ATP13A4: variants seen among roughly 807,000 people sequenced by gnomAD.
ATP13A4 encodes the protein probable cation-transporting ATPase 13A4.
A neutral mutation model predicts 142.5 loss-of-function variants in ATP13A4; 114 were observed. The ratio of observed to expected loss-of-function variants is 0.80; its 90% CI spans 0.69 to 0.93. The LOEUF is 0.93. Ranked by LOEUF, ATP13A4 falls within the 40% of genes least tolerant of loss-of-function variation. The probability of loss-of-function intolerance (pLI) is 0.00; values close to 1 mark genes in which losing one functional copy is unlikely to be tolerated. For synonymous variants in ATP13A4, 488 were observed against 514.8 expected, an observed-to-expected ratio of 0.95 and a Z score of 0.70; for missense variants, 1,392 against 1,454.0, an observed-to-expected ratio of 0.96 and a Z score of 0.69.
At chr3:193,533,078 A>G (rs1338917887) in intron 1 of ATP13A4, among the ~76,000 whole-genome samples, 1 of 152,168 alleles carries the variant, frequency 6.6e-6, no homozygotes, top group Non-Finnish European at 1.5e-5. Flanking sequence ...AAATAAAAAT[A>G]AAGAAATATT....
intron 8 of ATP13A4, among the ~76,000 whole-genome samples, chr3:193,472,732 T>G (rs139467155): frequency 4.6e-5 from 7 of 152,292 alleles, no homozygotes; most frequent in African/African-American, 1.7e-4. Context: ...ATGACGGTGA[T>G]CAGACTCAGT....
At chr3:193,488,745 G>A (rs1033493305) in intron 7 of ATP13A4, among the ~76,000 whole-genome samples, 1 of 152,204 alleles carries the variant, frequency 6.6e-6, no homozygotes, top group Non-Finnish European at 1.5e-5. Flanking sequence ...TATAGTAGTA[G>A]CTGAAGGCAG....
chr3:193,477,218 G>T (rs1719017507), intron 8 of ATP13A4, among the ~76,000 whole-genome samples: 1 of 152,058 alleles, frequency 6.6e-6, no homozygotes, highest in African/African-American at 2.4e-5. Flanking sequence ...GGTTTTAAAA[G>T]ATGTGACAAA....
At chr3:193,563,663 CA>C (rs1270077249) in intron 2 of ATP13A4, among the ~76,000 whole-genome samples, 7 of 151,016 alleles carry the variant, frequency 4.6e-5, no homozygotes, top group African/African-American at 9.7e-5. Flanking sequence ...GAGAGTGTCT[CA>C]AAAAAAAAGT....
chr3:193,453,251 TG>T (rs1208832201), intron 17 of ATP13A4, among the ~76,000 whole-genome samples: 1 of 152,250 alleles, frequency 6.6e-6, no homozygotes, highest in Non-Finnish European at 1.5e-5. Context: ...GCAGATAATA[TG>T]TGAATTTTAT....
In ATP13A4 at chr3:193,418,014, T is replaced by C. The variant is rs1221404708; in HGVS notation, c.2843-3264A>G. On this transcript the variant is annotated intron_variant, in intron 25 of 29. Transcript: ENST00000342695. ...GCGGGCGCCTGTAGTCCCAGCTACT[T>C]GGGAGGCTGAGGCAGGAGAATGGCG... Among the ~76,000 whole-genome samples, 73 of 136,386 alleles carry C rather than the reference T, an allele frequency of 5.4e-4. 1 individual carries two copies. Among genetic ancestry groups the C allele is most frequent in the South Asian group, 1.4e-3 (6 of 4,198 alleles). 89.5% of individuals were successfully genotyped at this position (136,386 alleles called of 152,430 possible). A position where few individuals can be genotyped will look rare whatever the true frequency, so the allele number is the denominator to read the frequency against.
chr3:193,520,857 G>A (rs1721677991), intron 1 of ATP13A4, among the ~76,000 whole-genome samples: 1 of 152,202 alleles, frequency 6.6e-6, no homozygotes, highest in Admixed American at 6.5e-5. Context: ...ACAGCTGGCA[G>A]ATAGTTGGGA....
At chr3:193,567,515 T>C (rs568243935) in intron 2 of ATP13A4, among the ~76,000 whole-genome samples, 1 of 152,342 alleles carries the variant, frequency 6.6e-6, no homozygotes, top group Admixed American at 6.5e-5. Context: ...ATGCAGTCCA[T>C]GGATACGAAT....
chr3:193,496,926 A>T (rs573614212), intron 3 of ATP13A4, among the ~76,000 whole-genome samples: 21 of 152,228 alleles, frequency 1.4e-4, no homozygotes, highest in African/African-American at 5.0e-4. Context: ...CTTGAAATAG[A>T]TGAAAGACTT....
chr3:193,577,179 C>T (rs74323637), intron 2 of ATP13A4, among the ~76,000 whole-genome samples: 4,528 of 152,284 alleles, frequency 0.03, 232 homozygotes, highest in African/African-American at 0.1. Context: ...GATTATGGTG[C>T]TTTCCTTCAA....
At chr3:193,556,777 T>C (rs150606230), upstream of ATP13A4, among the ~76,000 whole-genome samples, 307 of 152,228 alleles carry the variant, frequency 2.0e-3, 2 homozygotes, top group African/African-American at 6.8e-3. Context: ...TTAAAAATCA[T>C]ACCTCAATAA....
At chr3:193,436,901 G>A (rs184408190) in intron 23 of ATP13A4, among the ~76,000 whole-genome samples, 5,864 of 148,970 alleles carry the variant, frequency 0.039, 210 homozygotes, top group Non-Finnish European at 0.059. Context: ...TCAGGAGATC[G>A]AGACCATCCC....
At chr3:193,426,337 T>C (rs918270903) in intron 25 of ATP13A4, among the ~76,000 whole-genome samples, 1 of 151,770 alleles carries the variant, frequency 6.6e-6, no homozygotes, top group African/African-American at 2.4e-5. Flanking sequence ...TACAAAACTT[T>C]GTTGAAAGAA....
intron 23 of ATP13A4, among the ~76,000 whole-genome samples, chr3:193,436,457 C>CT (rs1055376880): frequency 0.01 from 1,507 of 148,134 alleles, 24 homozygotes; most frequent in African/African-American, 0.035. Context: ...TTAAATTATA[C>CT]TTTTTTTTTT....
At chr3:193,485,337 C>G (rs1410435704) in intron 7 of ATP13A4, among the ~76,000 whole-genome samples, 1 of 151,630 alleles carries the variant, frequency 6.6e-6, no homozygotes, top group Non-Finnish European at 1.5e-5. Context: ...GTTACACGTA[C>G]AGGTGGAGCA....
At chr3:193,527,900 G>A (rs534642525) in intron 1 of ATP13A4, among the ~76,000 whole-genome samples, 2 of 152,260 alleles carry the variant, frequency 1.3e-5, no homozygotes, top group South Asian at 4.1e-4. Context: ...CTCTCTGCAG[G>A]TATTTCTCTA....
At chr3:193,529,866 G>A (rs1219194128) in intron 1 of ATP13A4, among the ~76,000 whole-genome samples, 1 of 152,152 alleles carries the variant, frequency 6.6e-6, no homozygotes, top group Non-Finnish European at 1.5e-5. Flanking sequence ...CCTTAGCACA[G>A]TGCTTTGAAA....
chr3:193,478,088 A>G (rs1719072642), intron 8 of ATP13A4, among the ~76,000 whole-genome samples: 1 of 152,096 alleles, frequency 6.6e-6, no homozygotes. Flanking sequence ...TATGTTACTA[A>G]GTCAATTTTC....
chr3:193,492,791 A>G, intron 5 of ATP13A4, 126 bp downstream of exon 5: 1 of 740,290 alleles, frequency 1.4e-6, no homozygotes, highest in South Asian at 1.7e-5. Context: ...TTAATTTAAT[A>G]ATACTAAATA....
Sources: allele counts gnomAD v4.1 joint callset (sites outside exome capture counted in the v4.1 genomes callset), GRCh38; gene constraint gnomAD v4.1.1; transcripts MANE v1.5; gene names NCBI Gene and HGNC (gene_info 2026-07-23, HGNC 2026-07-21).